Variants in REV3L observed in about 807,000 individuals in gnomAD.
REV3L encodes REV3 like, DNA directed polymerase zeta catalytic subunit, also known as DNA polymerase zeta catalytic subunit.
A neutral mutation model predicts 299.4 loss-of-function variants in REV3L; 69 were observed. The ratio of observed to expected loss-of-function variants is 0.23; its 90% confidence interval spans 0.19 to 0.28. The LOEUF is 0.28. REV3L is among the 10% of genes least tolerant of loss of function. The pLI is 1.00. For synonymous variants in REV3L, 1,238 were observed against 1,271.4 expected, an observed-to-expected ratio of 0.97 and a Z score of 0.56; for missense variants, 3,128 against 3,693.8, an observed-to-expected ratio of 0.85 and a Z score of 3.97.
rs17511062 is a variant in REV3L, at chr6:111,363,264, TTAATA to T, written c.6879+584_6879+588del. Among the ~76,000 whole-genome samples, 1,302 of 152,234 alleles carry T rather than the reference TTAATA, an allele frequency of 8.6e-3. 7 individuals are homozygous for T. The highest frequency in any genetic ancestry group is 0.014 in the Non-Finnish European group (967 of 67,996). The stretch of plus-strand genomic sequence containing the variant: ...CACATTTCAGATGTGACATAACATC[TTAATA>T]TAATAATCCCCAAAATACAGACTTA... On this transcript the variant is annotated intron_variant, in intron 16 of 31. Transcript: ENST00000368802.
intron 4 of REV3L, among the ~76,000 whole-genome samples, chr6:111,401,882 G>A (rs1232421103): frequency 6.6e-6 from 1 of 152,114 alleles, no homozygotes; most frequent in South Asian, 2.1e-4. Context: ...AGGCTGAGGT[G>A]GGTGGATCGC....
intron 1 of REV3L, among the ~76,000 whole-genome samples, chr6:111,447,933 G>T (rs1455220390): frequency 6.6e-6 from 1 of 152,092 alleles, no homozygotes. Flanking sequence ...TCCTAAGTTA[G>T]AATTTATAGG....
At chr6:111,326,605 AC>A (rs35434609) in intron 25 of REV3L, among the ~76,000 whole-genome samples, 3 of 146,146 alleles carry the variant, frequency 2.1e-5, no homozygotes, top group Admixed American at 6.9e-5. Flanking sequence ...CTGGGTATAT[AC>A]CCCCCCCAAA....
intron 2 of REV3L, among the ~76,000 whole-genome samples, chr6:111,412,471 A>G (rs1305053091): frequency 6.6e-6 from 1 of 152,196 alleles, no homozygotes; most frequent in Non-Finnish European, 1.5e-5. Context: ...ATACATAAAC[A>G]GGCGTAAATT....
intron 1 of REV3L, chr6:111,430,267 A>G: frequency 1.0e-6 from 1 of 960,210 alleles, no homozygotes; most frequent in South Asian, 1.3e-5. Context: ...TGGCGAGACA[A>G]TTGCAGAGAA....
Position 111,333,398 on chromosome 6 carries a change from G to A in REV3L, c.7681-31C>T, listed in dbSNP as rs748667676. 8 of 1,607,786 alleles carry A rather than the reference G, an allele frequency of 5.0e-6. No individual in the cohort carries two copies. The African/African-American group carries it at 9.4e-5, about 19-fold the overall frequency. On this transcript the variant is annotated intron_variant, in intron 22 of 31. Coordinates refer to ENST00000368802, the MANE Select transcript of REV3L (RefSeq NM_001372078.1). ...GGGAGAAAGGGAGGTGAGAAGAGAAGAAACACAGTTAAATATATTGGTCAT... is the reference window on the plus strand; with the variant it reads ...GGGAGAAAGGGAGGTGAGAAGAGAAAAAACACAGTTAAATATATTGGTCAT...
intron 18 of REV3L, among the ~76,000 whole-genome samples, chr6:111,352,579 G>T (rs961523027): frequency 6.6e-6 from 1 of 152,272 alleles, no homozygotes; most frequent in East Asian, 1.9e-4. Context: ...AAAGAAAAAT[G>T]AGAATGCTTT....
intron 13 of REV3L, 48 bp downstream of exon 13, chr6:111,372,548 T>C (rs2115060925): frequency 7.4e-7 from 1 of 1,343,430 alleles, no homozygotes; most frequent in Middle Eastern, 1.9e-4. Context: ...CATAATTTTA[T>C]ATATCATAAT....
intron 1 of REV3L, among the ~76,000 whole-genome samples, chr6:111,482,037 A>T (rs564202296): frequency 6.6e-6 from 1 of 152,308 alleles, no homozygotes; most frequent in Admixed American, 6.5e-5. Context: ...AGGTTGGGCA[A>T]CATAAACACG....
chr6:111,367,687 G>C lies in REV3L; in HGVS notation c.6101C>G (p.Ala2034Gly). 1 of 1,614,206 alleles carries C rather than the reference G, an allele frequency of 6.2e-7. No homozygotes were observed. Residue 2034 changes from alanine to glycine, a missense_variant, in exon 14 of 32, where the codon GCT becomes GGT. Transcript: ENST00000368802. Reference protein sequence around the residue: ...KTKPTGVVKSAENFSSSVNPD... With the variant: ...KTKPTGVVKSGENFSSSVNPD... The stretch of plus-strand genomic sequence containing the variant: ...GTTAACTGAAGAGCTAAAGTTCTCA[G>C]CAGATTTTACAACTCCAGTTGGCTT...
chr6:111,482,138 G>A (rs577559617), intron 1 of REV3L, among the ~76,000 whole-genome samples: 3 of 152,134 alleles, frequency 2.0e-5, no homozygotes, highest in African/African-American at 7.2e-5. Context: ...TAAACTCTAA[G>A]GAGTCACGAC....
intron 19 of REV3L, among the ~76,000 whole-genome samples, chr6:111,351,407 T>C (rs1777553038): frequency 6.6e-6 from 1 of 152,084 alleles, no homozygotes; most frequent in South Asian, 2.1e-4. Flanking sequence ...TACGGTATGA[T>C]TATTTAAAAA....
intron 1 of REV3L, among the ~76,000 whole-genome samples, chr6:111,470,460 A>T (rs1007764343): frequency 5.9e-5 from 9 of 152,218 alleles, no homozygotes; most frequent in African/African-American, 2.2e-4. Flanking sequence ...TAAAATGGGG[A>T]TAACAGTCCT....
chr6:111,405,489 G>A lies in REV3L; in HGVS notation c.546C>T (p.Phe182=). Residue 182 remains phenylalanine (F), a synonymous_variant, in exon 4 of 32, where the codon TTC becomes TTT. Coordinates refer to ENST00000368802, the MANE Select transcript of REV3L (RefSeq NM_001372078.1). ...MNLINLAAVK[F]RKARRKSNTL... is the part of the protein sequence containing the mutation. Reference sequence around the variant, plus strand: ...CCTTACTTTTCCTTCTTGCTTTTCGGAACTTGACAGCAGCCAGATTTATTA... The same window carrying A: ...CCTTACTTTTCCTTCTTGCTTTTCGAAACTTGACAGCAGCCAGATTTATTA... The A allele has an allele frequency of 6.3e-7, 1 of 1,592,234 alleles. No homozygotes were observed. Among genetic ancestry groups the A allele is most frequent in the South Asian group, 1.2e-5 (1 of 84,310 alleles).
At chr6:111,396,573 TTTTC>T (rs1782536050) in intron 4 of REV3L, among the ~76,000 whole-genome samples, 1 of 152,140 alleles carries the variant, frequency 6.6e-6, no homozygotes, top group East Asian at 1.9e-4. Flanking sequence ...TGGTGTTAGT[TTTTC>T]TTTCTAAGTA....
chr6:111,428,249 G>A (rs141701792), intron 1 of REV3L, among the ~76,000 whole-genome samples: 343 of 152,206 alleles, frequency 2.3e-3, no homozygotes, highest in Admixed American at 4.3e-3. Context: ...ACAGTGACAT[G>A]AGCTTTCTGA....
Position 111,482,953 on chromosome 6 carries a change from G to C in REV3L, c.-65C>G. 1 of 1,446,658 alleles carries C rather than the reference G, an allele frequency of 6.9e-7. No individual in the cohort carries two copies. Among genetic ancestry groups the C allele is most frequent in the South Asian group, 1.5e-5 (1 of 68,548 alleles). The allele number at this position is 1,446,658 out of a possible 1,614,324, so 89.6% of individuals were successfully genotyped here. On this transcript the variant is annotated 5_prime_UTR_variant, in exon 1 of 32. Transcript: ENST00000368802. ...CGGCAGCGGCAGCAGCAGCGGCGGC[G>C]GCTCCCTCCGCAGCGGCGGCGGCGC...
At chr6:111,369,341 T>A (rs566975252) in intron 13 of REV3L, among the ~76,000 whole-genome samples, 1 of 151,504 alleles carries the variant, frequency 6.6e-6, no homozygotes, top group Middle Eastern at 3.4e-3. Flanking sequence ...TCTTACATAT[T>A]GTCAGCAGCA....
At chr6:111,409,835 T>C (rs936885784) in intron 3 of REV3L, among the ~76,000 whole-genome samples, 14 of 152,162 alleles carry the variant, frequency 9.2e-5, no homozygotes, top group African/African-American at 2.9e-4. Context: ...AGAAAATAAA[T>C]GGATGAATTC....
Sources: gnomAD v4.1 joint callset for allele counts (sites outside exome capture counted in the v4.1 genomes callset) on GRCh38, gnomAD v4.1.1 for gene constraint, MANE v1.5 for transcripts, NCBI Gene and HGNC (gene_info 2026-07-23, HGNC 2026-07-21) for gene names.